Variants in MRPL1 observed in about 807,000 individuals in gnomAD.
MRPL1 encodes large ribosomal subunit protein uL1m.
Under a neutral mutation model 38.0 loss-of-function variants are expected in MRPL1, and 28 were observed. The ratio of observed to expected loss-of-function variants is 0.74; its 90% CI spans 0.55 to 1.01. The LOEUF (loss-of-function observed/expected upper bound fraction) is 1.01, where lower values mean the gene tolerates loss of function less well. Among genes scored for constraint, MRPL1 ranks in the 50% least tolerant of loss-of-function variants. The pLI, the probability that MRPL1 is intolerant of heterozygous loss-of-function variation, is 0.00. For synonymous variants in MRPL1, 123 were observed against 126.7 expected (o/e 0.97, Z 0.20); for missense variants, 358 against 389.8 (o/e 0.92, Z 0.69).
At chr4:77,864,762 A>G (rs1373756778) in intron 1 of MRPL1, 1 of 152,194 alleles carries the variant, frequency 6.6e-6, no homozygotes, top group East Asian at 1.9e-4. Context: ...TTTTGCCAGA[A>G]GGCCCCACAT....
At chr4:77,902,870 C>T (rs546720135) in intron 6 of MRPL1, among the ~76,000 whole-genome samples, 1 of 152,266 alleles carries the variant, frequency 6.6e-6, no homozygotes, top group African/African-American at 2.4e-5. Flanking sequence ...TGTATAAGTT[C>T]TCCCATGAAA....
At chr4:77,900,355 G>T (rs75497418) in intron 6 of MRPL1, among the ~76,000 whole-genome samples, 1,892 of 152,274 alleles carry the variant, frequency 0.012, 38 homozygotes, top group African/African-American at 0.043. Flanking sequence ...ACTGAGGAGA[G>T]AGAGATGAGA....
intron 6 of MRPL1, among the ~76,000 whole-genome samples, chr4:77,901,901 G>T (rs1736043238): frequency 6.6e-6 from 1 of 152,176 alleles, no homozygotes; most frequent in Non-Finnish European, 1.5e-5. Context: ...ATGTTGTTTG[G>T]TGTTGAACAT....
chr4:77,864,784 T>G (rs1735088767), intron 1 of MRPL1: 1 of 152,224 alleles, frequency 6.6e-6, no homozygotes, highest in Non-Finnish European at 1.5e-5. Context: ...GGAGGTTCAT[T>G]AAAGCACTGG....
chr4:77,897,351 G>A (rs546539996), intron 6 of MRPL1, among the ~76,000 whole-genome samples: 10 of 152,142 alleles, frequency 6.6e-5, no homozygotes, highest in African/African-American at 2.2e-4. Context: ...GATTACAGGC[G>A]TGAACCACTG....
chr4:77,866,052 T>C (rs1735134726), intron 1 of MRPL1, among the ~76,000 whole-genome samples: 1 of 152,156 alleles, frequency 6.6e-6, no homozygotes, highest in South Asian at 2.1e-4. Flanking sequence ...AAAAAAAACA[T>C]GTAAAATACT....
At chr4:77,890,051 A>G (rs1181882857) in intron 5 of MRPL1, among the ~76,000 whole-genome samples, 2 of 152,238 alleles carry the variant, frequency 1.3e-5, no homozygotes, top group South Asian at 2.1e-4. Context: ...TACCAGAGGT[A>G]CAAAGAGGAG....
At chr4:77,883,801 C>T (rs1457698677) in intron 3 of MRPL1, among the ~76,000 whole-genome samples, 1 of 152,090 alleles carries the variant, frequency 6.6e-6, no homozygotes, top group Non-Finnish European at 1.5e-5. Context: ...TGGTTTTGAA[C>T]TCTGGGGCTC....
Position 77,929,253 on chromosome 4 carries a change from C to T in MRPL1, c.777+19881C>T, listed in dbSNP as rs116056807. Among the ~76,000 whole-genome samples, 508 of 151,404 alleles carry T rather than the reference C, an allele frequency of 3.4e-3. 4 individuals carry two copies. Among genetic ancestry groups the T allele is most frequent in the African/African-American group, 0.011 (468 of 40,996 alleles). On this transcript the variant is annotated intron_variant, in intron 7 of 8. Coordinates refer to ENST00000315567, the MANE Select transcript of MRPL1 (RefSeq NM_020236.4). The stretch of plus-strand genomic sequence containing the variant: ...CATTCTGGGCAACATAGCAAGATCC[C>T]ACATCTCTAAATAAAAATAAAAATA...
rs747933533 is a variant in MRPL1 at position 77,911,816 on chromosome 4, C to T, written c.777+2444C>T. Among the ~76,000 whole-genome samples the T allele has an allele frequency of 7.9e-5, 12 of 152,100 alleles. 1 individual carries two copies. Among genetic ancestry groups the T allele is most frequent in the Non-Finnish European group, 1.2e-4 (8 of 68,000 alleles). On this transcript the variant is annotated intron_variant, in intron 7 of 8. Coordinates refer to ENST00000315567, the MANE Select transcript of MRPL1 (RefSeq NM_020236.4). ...AAGAAAACCACAATGCAGTATCATT[C>T]GTGAACATAGATGTAACAATTGCAA...
chr4:77,871,626 GA>G (rs1260979911), intron 1 of MRPL1, 117 bp from the exon 2 acceptor site: 1 of 555,118 alleles, frequency 1.8e-6, no homozygotes, highest in African/African-American at 2.0e-5. Flanking sequence ...TTAAAAGAAG[GA>G]TTAAAAATCA....
At chr4:77,886,989 C>T (rs754341194) in intron 4 of MRPL1, among the ~76,000 whole-genome samples, 2 of 151,742 alleles carry the variant, frequency 1.3e-5, no homozygotes, top group Non-Finnish European at 2.9e-5. Context: ...GACAGTTTTG[C>T]CATGTTGGCC....
intron 7 of MRPL1, among the ~76,000 whole-genome samples, chr4:77,915,243 T>C (rs1736393999): frequency 6.6e-6 from 1 of 152,238 alleles, no homozygotes; most frequent in African/African-American, 2.4e-5. Flanking sequence ...TGTATCAATG[T>C]GCTAAATATG....
At chr4:77,919,069 G>A (rs893171968) in intron 7 of MRPL1, among the ~76,000 whole-genome samples, 2 of 152,092 alleles carry the variant, frequency 1.3e-5, no homozygotes, top group African/African-American at 2.4e-5. Flanking sequence ...AAATATTTAG[G>A]CAGGTGTATA....
Position 77,905,677 on chromosome 4 carries a change from ACAT to A in MRPL1, c.671-3583_671-3581del, listed in dbSNP as rs550438713. On this transcript the variant is annotated intron_variant, in intron 6 of 8. Coordinates refer to ENST00000315567, the MANE Select transcript of MRPL1 (RefSeq NM_020236.4). ...GGAACTACCTTAAAAACTAAAATCTACATCATCAATCTATCACCTTTTTTCTAG... is the reference window on the plus strand; with the variant it reads ...GGAACTACCTTAAAAACTAAAATCTACATCAATCTATCACCTTTTTTCTAG... Among the ~76,000 whole-genome samples, 358 of 152,274 alleles carry A rather than the reference ACAT, an allele frequency of 2.4e-3. 1 individual carries two copies. The highest frequency in any genetic ancestry group is 7.4e-3 in the Admixed American group (113 of 15,300).
chr4:77,925,374 C>T (rs1374439414), intron 7 of MRPL1, among the ~76,000 whole-genome samples: 20 of 147,642 alleles, frequency 1.4e-4, no homozygotes, highest in African/African-American at 4.7e-4. Flanking sequence ...TTTTTTGAGA[C>T]CTAGTCTCGC....
chr4:77,925,339 T>C (rs577805489), intron 7 of MRPL1, among the ~76,000 whole-genome samples: 1 of 151,678 alleles, frequency 6.6e-6, no homozygotes, highest in East Asian at 1.9e-4. Flanking sequence ...AGTACTTTTT[T>C]TTTTTTGTTT....
intron 1 of MRPL1, among the ~76,000 whole-genome samples, chr4:77,866,176 C>T (rs890849863): frequency 6.6e-6 from 1 of 152,076 alleles, no homozygotes; most frequent in Non-Finnish European, 1.5e-5. Context: ...CTCAGCCTCC[C>T]GAGGAGCTGG....
intron 2 of MRPL1, among the ~76,000 whole-genome samples, chr4:77,882,567 TA>T (rs554679925): frequency 5.7e-4 from 87 of 152,356 alleles, no homozygotes; most frequent in African/African-American, 2.0e-3. Context: ...ATATTTGGTA[TA>T]AATGGAATAA....
Sources: allele counts gnomAD v4.1 joint callset (sites outside exome capture counted in the v4.1 genomes callset), GRCh38; gene constraint gnomAD v4.1.1; transcripts MANE v1.5; gene names NCBI Gene and HGNC (gene_info 2026-07-23, HGNC 2026-07-21).